TDRD9: variants seen among roughly 807,000 people sequenced by gnomAD.
The protein encoded by TDRD9 is tudor domain containing 9, also known as ATP-dependent RNA helicase TDRD9.
In TDRD9, 124 loss-of-function variants were observed where a neutral mutation model predicts 172.6. That is an observed-to-expected ratio of 0.72 (90% CI 0.62 to 0.83). The LOEUF is 0.83. Among genes scored for constraint, TDRD9 ranks in the 40% least tolerant of loss-of-function variants. The pLI is 0.00. For missense variants in TDRD9, 1,479 were observed against 1,714.1 expected (o/e 0.86, Z 2.42); for synonymous variants, 619 against 617.1 (o/e 1.00, Z -0.05).
At chr14:103,934,050 C>G (rs1407409299) in intron 1 of TDRD9, among the ~76,000 whole-genome samples, 5 of 151,112 alleles carry the variant, frequency 3.3e-5, no homozygotes, top group African/African-American at 9.7e-5. Context: ...TTTTCTTGCT[C>G]TGTCACCCAG....
At chr14:103,954,197 C>A (rs75010526) in intron 1 of TDRD9, among the ~76,000 whole-genome samples, 3,529 of 152,312 alleles carry the variant, frequency 0.023, 79 homozygotes, top group East Asian at 0.071. Flanking sequence ...ATGACACTTT[C>A]AAAATGATAC....
At chr14:104,011,292 A>G (rs896764900) in intron 20 of TDRD9, among the ~76,000 whole-genome samples, 1 of 151,980 alleles carries the variant, frequency 6.6e-6, no homozygotes, top group Non-Finnish European at 1.5e-5. Flanking sequence ...TTTCTCTAGA[A>G]TTTTTGCCTC....
intron 6 of TDRD9, among the ~76,000 whole-genome samples, chr14:103,970,917 T>C (rs2032993978): frequency 6.6e-6 from 1 of 152,248 alleles, no homozygotes; most frequent in Non-Finnish European, 1.5e-5. Flanking sequence ...TATTTTTATT[T>C]TTTCTGAATA....
intron 1 of TDRD9, chr14:103,940,949 CAG>C (rs1160658485): frequency 3.9e-6 from 6 of 1,535,442 alleles, no homozygotes; most frequent in Non-Finnish European, 4.4e-6. Flanking sequence ...CCTTGGATCA[CAG>C]AAGGAGCAGA....
chr14:103,985,960 C>G (rs1328007377), intron 7 of TDRD9, among the ~76,000 whole-genome samples: 6 of 152,184 alleles, frequency 3.9e-5, no homozygotes, highest in Admixed American at 2.0e-4. Flanking sequence ...CTGTGCATGT[C>G]TGGGCTCTCT....
chr14:104,014,360 A>T (rs1437139690), intron 20 of TDRD9, among the ~76,000 whole-genome samples: 2 of 151,708 alleles, frequency 1.3e-5, no homozygotes, highest in Non-Finnish European at 2.9e-5. Context: ...GCTCACTGCA[A>T]CCGCTGCCCT....
chr14:103,969,047 C>T lies in TDRD9; in HGVS notation c.766-1494C>T, dbSNP rs577463945. 2.1e-5 allele frequency among the ~76,000 whole-genome samples: 3 copies of T among 146,252 alleles called. No individual in the cohort carries two copies. In the South Asian group the frequency reaches 6.5e-4, roughly 32 times the overall value. On this transcript the variant is annotated intron_variant, in intron 5 of 35. Coordinates refer to ENST00000409874, the MANE Select transcript of TDRD9 (RefSeq NM_153046.3). ...CCCGGGAGGCGGAGCTTGCAGTGAG[C>T]GGAGATCGCGTCACTGCACTCCAGC... is the stretch of plus-strand genomic sequence containing the variant.
At chr14:103,962,988 G>GTT in intron 2 of TDRD9, 91 bp from the exon 3 acceptor site, 2 of 673,644 alleles carry the variant, frequency 3.0e-6, no homozygotes, top group South Asian at 2.0e-5. Flanking sequence ...GTGTGTGTGT[G>GTT]TGTGTATGCT....
chr14:103,993,805 G>A (rs755769506), intron 9 of TDRD9, among the ~76,000 whole-genome samples: 5 of 152,140 alleles, frequency 3.3e-5, no homozygotes, highest in South Asian at 2.1e-4. Context: ...ACCACCTTCC[G>A]CATTCTGGGG....
chr14:103,941,656 A>T, intron 1 of TDRD9: 3 of 1,530,332 alleles, frequency 2.0e-6, no homozygotes, highest in Non-Finnish European at 2.6e-6. Flanking sequence ...GGTTTGTAGG[A>T]ATCGTTTTTG....
intron 34 of TDRD9, among the ~76,000 whole-genome samples, chr14:104,043,526 G>A (rs1250742012): frequency 6.6e-6 from 1 of 152,090 alleles, no homozygotes; most frequent in Non-Finnish European, 1.5e-5. Flanking sequence ...GAGCCACCAT[G>A]CCTGGCCAGT....
intron 1 of TDRD9, among the ~76,000 whole-genome samples, chr14:103,930,709 C>T (rs1350399883): frequency 6.6e-6 from 1 of 152,270 alleles, no homozygotes; most frequent in African/African-American, 2.4e-5. Flanking sequence ...CTTCCTTGAG[C>T]TACTCTGGTA....
intron 7 of TDRD9, among the ~76,000 whole-genome samples, chr14:103,982,719 C>T (rs189057334): frequency 9.9e-4 from 151 of 152,216 alleles, no homozygotes; most frequent in Non-Finnish European, 1.5e-3. Flanking sequence ...CAGCCTAACA[C>T]GGAGAAACCC....
At chr14:104,027,243 T>TCTC (rs1262227883) in intron 28 of TDRD9, among the ~76,000 whole-genome samples, 1 of 152,162 alleles carries the variant, frequency 6.6e-6, no homozygotes, top group African/African-American at 2.4e-5. Flanking sequence ...AGAGATAGGG[T>TCTC]CTCCCTGTGT....
intron 22 of TDRD9, among the ~76,000 whole-genome samples, chr14:104,017,230 G>A (rs375473018): frequency 1.2e-4 from 18 of 151,872 alleles, no homozygotes; most frequent in African/African-American, 4.1e-4. Context: ...TGCATCCCTC[G>A]ACCACAGAGA....
At position 104,026,742 on chromosome 14, in the gene TDRD9, T is replaced by G. The variant is rs144686761; in HGVS notation, c.3085T>G (p.Trp1029Gly). Residue 1029 changes from tryptophan (W) to glycine (G), a missense_variant, in exon 28 of 36, where the codon TGG becomes GGG. By Grantham distance (184) the Trp-to-Gly change is radical. Coordinates refer to ENST00000409874, the MANE Select transcript of TDRD9 (RefSeq NM_153046.3). Reference sequence around the variant, plus strand: ...AAAGTCTCTTGTTTGTGGCAAGCACTGGAGTGACGGGGCCAGCCAGTGGTT... The same window carrying G: ...AAAGTCTCTTGTTTGTGGCAAGCACGGGAGTGACGGGGCCAGCCAGTGGTT... ...SAKSLVCGKH[W>G]SDGASQWFAS... 6.2e-7 allele frequency: 1 copy of G among 1,614,016 alleles called. No individual in the cohort carries two copies. The highest frequency in any genetic ancestry group is 1.1e-5 in the South Asian group (1 of 91,072).
At chr14:103,942,031 G>A (rs17101951) in intron 1 of TDRD9, 5,590 of 233,334 alleles carry the variant, frequency 0.024, 113 homozygotes, top group East Asian at 0.065. Flanking sequence ...TAATGTCGGG[G>A]CAAGTGCTGC....
intron 35 of TDRD9, chr14:104,049,947 T>G: frequency 2.4e-6 from 1 of 416,092 alleles, no homozygotes. Context: ...GGTATGAGGG[T>G]CTGGATTGAA....
intron 23 of TDRD9, among the ~76,000 whole-genome samples, chr14:104,021,626 G>A (rs2034958036): frequency 6.6e-6 from 1 of 152,140 alleles, no homozygotes; most frequent in Admixed American, 6.5e-5. Context: ...CTGGGAGGCG[G>A]AGGTTGCAGT....
Sources: gnomAD v4.1 joint callset for allele counts (sites outside exome capture counted in the v4.1 genomes callset) on GRCh38, gnomAD v4.1.1 for gene constraint, MANE v1.5 for transcripts, NCBI Gene and HGNC (gene_info 2026-07-23, HGNC 2026-07-21) for gene names.